NIT1: variants seen among roughly 807,000 people sequenced by gnomAD.
NIT1 encodes deaminated glutathione amidase.
A neutral mutation model predicts 36.8 loss-of-function variants in NIT1; 30 were observed. That is an observed-to-expected ratio of 0.82 (90% CI 0.61 to 1.11). The LOEUF (loss-of-function observed/expected upper bound fraction) is 1.11. Among genes scored for constraint, NIT1 ranks in the 50% least tolerant of loss-of-function variants. NIT1 has a pLI of 0.00. For synonymous variants in NIT1, 151 were observed against 155.6 expected (o/e 0.97, Z 0.22); for missense variants, 438 against 410.6 (o/e 1.07, Z -0.58).
chr1:161,123,819 G>A (rs1655842357), downstream of NIT1: 3 of 1,588,706 alleles, frequency 1.9e-6, no homozygotes, highest in South Asian at 3.3e-5. Context: ...GGAAAGCAGG[G>A]GGAGTTAATG....
chr1:161,123,295 G>A, downstream of NIT1: 2 of 1,410,388 alleles, frequency 1.4e-6, no homozygotes, highest in Non-Finnish European at 2.0e-6. Flanking sequence ...TTGGAATGAG[G>A]AAGGAATCAT....
chr1:161,123,058 C>T (rs182968623), downstream of NIT1: 12 of 1,614,200 alleles, frequency 7.4e-6, no homozygotes, highest in Admixed American at 1.8e-4. Context: ...ATCTCTGGAA[C>T]CCTTGAACTT....
downstream of NIT1, chr1:161,123,030 C>T: frequency 1.2e-6 from 2 of 1,614,206 alleles, no homozygotes; most frequent in Non-Finnish European, 1.7e-6. Context: ...TCTTTATATT[C>T]TCCTTCAAGT....
At chr1:161,123,488 TA>T (rs1336914208), downstream of NIT1, among the ~76,000 whole-genome samples, 1 of 151,900 alleles carries the variant, frequency 6.6e-6, no homozygotes, top group Admixed American at 6.6e-5. Flanking sequence ...TACAAAAAAT[TA>T]GCTGGGCGTG....
downstream of NIT1, chr1:161,122,421 C>A: frequency 6.2e-7 from 1 of 1,614,208 alleles, no homozygotes; most frequent in Non-Finnish European, 8.5e-7. This position sits in a 1 kb window ranked among gnomAD's most constrained non-coding sequence, Gnocchi z 4.2. Context: ...CTGGTTAAAG[C>A]GCTCAAACTG....
chr1:161,124,061 C>T (rs1034899347), downstream of NIT1: 57 of 1,577,646 alleles, frequency 3.6e-5, no homozygotes, highest in Middle Eastern at 5.1e-4. Flanking sequence ...AATGTGTCCT[C>T]CCCTTTGGAC....
chr1:161,121,067 C>CT lies in NIT1; in HGVS notation c.*303dup. 1 of 1,221,956 alleles carries CT rather than the reference C, an allele frequency of 8.2e-7. No individual in the cohort carries two copies. Among genetic ancestry groups the CT allele is most frequent in the Non-Finnish European group, 1.0e-6 (1 of 971,350 alleles). The allele number at this position is 1,221,956 out of a possible 1,614,324, so 75.7% of individuals were successfully genotyped here. On this transcript the variant is annotated 3_prime_UTR_variant, in exon 7 of 7. Coordinates refer to ENST00000368009, the MANE Select transcript of NIT1 (RefSeq NM_005600.3). ...TTGAAAAATATAATAATCATAAAGT[C>CT]TGTGTCTGGACATCGCCTTTGGGAA...
At chr1:161,118,293 G>C (rs1272849196) in intron 1 of NIT1, 115 bp downstream of exon 1, 2 of 1,585,614 alleles carry the variant, frequency 1.3e-6, no homozygotes, top group African/African-American at 2.7e-5. Flanking sequence ...CAACTGGAGC[G>C]GGCGGCGGGA....
chr1:161,119,978 G>A (rs768785708), intron 5 of NIT1, 26 bp downstream of exon 5: 2 of 1,604,318 alleles, frequency 1.2e-6, no homozygotes, highest in Non-Finnish European at 1.7e-6. Context: ...GGATGAGGGA[G>A]GGGAACAGGA....
chr1:161,120,646 C>T lies in NIT1; in HGVS notation c.865C>T (p.Pro289Ser). The T allele has an allele frequency of 1.2e-6, 2 of 1,614,162 alleles. No homozygotes were observed. Among genetic ancestry groups the T allele is most frequent in the African/African-American group, 1.3e-5 (1 of 75,026 alleles). Residue 289 changes from proline to serine, a missense_variant, in exon 7 of 7, where the codon CCA becomes TCA. Coordinates refer to ENST00000368009, the MANE Select transcript of NIT1 (RefSeq NM_005600.3). ...GTVVARCSEG[P>S]GLCLARIDLN... ...AGTGGTGGCCCGCTGCTCTGAGGGG[C>T]CAGGCCTCTGCCTTGCCCGAATAGA...
chr1:161,119,707 G>A (rs568961582), intron 4 of NIT1, 95 bp downstream of exon 4: 1 of 1,584,586 alleles, frequency 6.3e-7, no homozygotes, highest in Non-Finnish European at 8.6e-7. Flanking sequence ...TTGACCCAAG[G>A]ATTTAGGGGT....
chr1:161,121,823 A>G, downstream of NIT1: 1 of 236,776 alleles, frequency 4.2e-6, no homozygotes, highest in East Asian at 8.3e-5. Flanking sequence ...TCCAAAAAAA[A>G]GTGTTCACAT....
In NIT1 at chr1:161,119,004, G is replaced by T. The variant is rs1375416862; in HGVS notation, c.98+123G>T. On this transcript the variant is annotated intron_variant, in intron 2 of 6. Coordinates refer to ENST00000368009, the MANE Select transcript of NIT1 (RefSeq NM_005600.3). The stretch of plus-strand genomic sequence containing the variant: ...TGATTGGTGAGCCCTACTAGCCCTG[G>T]GTCAACGTGCCCTGTAAGAGCATGA... The T allele has an allele frequency of 2.9e-6, 4 of 1,364,404 alleles. No homozygotes were observed. In the East Asian group the frequency reaches 6.9e-5, roughly 23 times the overall value. 84.5% of individuals were successfully genotyped at this position (1,364,404 alleles called of 1,614,324 possible). A position where few individuals can be genotyped will look rare whatever the true frequency, so the allele number is the denominator to read the frequency against.
At chr1:161,124,539 G>T, downstream of NIT1, 1 of 1,531,358 alleles carries the variant, frequency 6.5e-7, no homozygotes, top group Non-Finnish European at 8.8e-7. Context: ...GAAAGGGCAG[G>T]GAAAGAACCG....
Position 161,120,741 on chromosome 1 carries a change from C to T in NIT1, c.960C>T (p.Gly320=), listed in dbSNP as rs1197603149. 20 of 1,613,450 alleles carry T rather than the reference C, an allele frequency of 1.2e-5. No individual in the cohort carries two copies. Among genetic ancestry groups the T allele is most frequent in the Admixed American group, 1.7e-5 (1 of 60,010 alleles). ...VFQHRRPDLY[G]NLGHPLS ...AGCACCGCAGGCCTGACCTCTATGG[C>T]AATCTGGGTCACCCACTGTCTTAAG... Residue 320 remains glycine (G), a synonymous_variant, in exon 7 of 7, where the codon GGC becomes GGT. Transcript: ENST00000368009.
chr1:161,124,711 C>T, downstream of NIT1: 1 of 752,624 alleles, frequency 1.3e-6, no homozygotes, highest in Non-Finnish European at 1.8e-6. Flanking sequence ...CCTGTAATCC[C>T]AGCATTTTGG....
chr1:161,122,084 G>C (rs1391995380), downstream of NIT1: 57 of 1,571,470 alleles, frequency 3.6e-5, no homozygotes, highest in Non-Finnish European at 4.8e-5. This position sits in a 1 kb window ranked among gnomAD's most constrained non-coding sequence, Gnocchi z 4.2. Flanking sequence ...ACAAACCCCA[G>C]AACAGTGTAA....
rs774916342 is a variant in NIT1, at chr1:161,118,127, C to G, written c.-50C>G. ...CCCACTCGCTGCGGCGCTTCTGGCT[C>G]CAGACCGCCCTCCGGATCGGACCCT... On this transcript the variant is annotated 5_prime_UTR_variant, in exon 1 of 7. Coordinates refer to ENST00000368009, the MANE Select transcript of NIT1 (RefSeq NM_005600.3). 1 of 1,613,780 alleles carries G rather than the reference C, an allele frequency of 6.2e-7. No homozygotes were observed. Among genetic ancestry groups the G allele is most frequent in the Non-Finnish European group, 8.5e-7 (1 of 1,179,876 alleles).
chr1:161,118,705 G>A, intron 1 of NIT1, 81 bp from the exon 2 acceptor site: 1 of 1,471,516 alleles, frequency 6.8e-7, no homozygotes, highest in East Asian at 2.3e-5. Context: ...CAGGCTCACA[G>A]TATAAAGAGA....
Sources: allele counts gnomAD v4.1 joint callset (sites outside exome capture counted in the v4.1 genomes callset), GRCh38; gene constraint gnomAD v4.1.1; non-coding constraint Gnocchi (gnomAD v3.1); transcripts MANE v1.5; gene names NCBI Gene and HGNC (gene_info 2026-07-23, HGNC 2026-07-21).